ARSG: variants seen among roughly 807,000 people sequenced by gnomAD.
The protein encoded by ARSG is arylsulfatase G.
In ARSG, 37 loss-of-function variants were observed where a neutral mutation model predicts 50.5. The observed-to-expected ratio is 0.73, with a 90% CI of 0.56 to 0.96. ARSG has a LOEUF of 0.96. Ranked by LOEUF, ARSG falls within the 50% of genes least tolerant of loss-of-function variation. The pLI, the probability that ARSG is intolerant of heterozygous loss-of-function variation, is 0.00. For synonymous variants in ARSG, 225 were observed against 254.6 expected, an observed-to-expected ratio of 0.88 and a Z score of 1.11; for missense variants, 629 against 675.3, an observed-to-expected ratio of 0.93 and a Z score of 0.76.
At chr17:68,403,342 G>T (rs2081561919) in intron 11 of ARSG, among the ~76,000 whole-genome samples, 1 of 152,188 alleles carries the variant, frequency 6.6e-6, no homozygotes, top group Admixed American at 6.5e-5. Flanking sequence ...CTATTTAAAT[G>T]ATCACAATCA....
At chr17:68,279,684 AGACATT>A (rs1372609374) in intron 1 of ARSG, among the ~76,000 whole-genome samples, 3 of 152,306 alleles carry the variant, frequency 2.0e-5, no homozygotes, top group South Asian at 2.1e-4. Flanking sequence ...ACTTCTAAGG[AGACATT>A]GACATTGACA....
At chr17:68,444,915 CTTTTTTTTTT>C in the ARSG span, among the ~76,000 whole-genome samples, 42 of 89,092 alleles carry the variant, frequency 4.7e-4, no homozygotes, top group African/African-American at 1.7e-3. Flanking sequence ...ATCCTGAACA[CTTTTTTTTTT>C]TTTTTTTTTT....
the ARSG span, chr17:68,428,693 A>C: frequency 1.5e-6 from 1 of 668,400 alleles, no homozygotes; most frequent in South Asian, 1.8e-5. Context: ...GCACTTGCCC[A>C]CTAGAGGTTT....
the ARSG span, among the ~76,000 whole-genome samples, chr17:68,444,850 C>T: frequency 1.3e-4 from 19 of 151,260 alleles, no homozygotes; most frequent in African/African-American, 4.1e-4. Flanking sequence ...TTCCTTCTTC[C>T]CTCCCTCCAT....
rs1016854861 is a variant in ARSG, at chr17:68,331,229, C to G, written c.219-12375C>G. ...TCTTTCTTTCTTTCTTTCTTTCTTT[C>G]TTTGTTTCTTTCTTTCTTTCTTTCT... On this transcript the variant is annotated intron_variant, in intron 2 of 11. Coordinates refer to ENST00000621439, the MANE Select transcript of ARSG (RefSeq NM_001267727.2). 4.6e-3 allele frequency among the ~76,000 whole-genome samples: 113 copies of G among 24,464 alleles called. 1 individual carries two copies. In the East Asian group the frequency reaches 0.058, roughly 13 times the overall value. The allele number at this position is 24,464 out of a possible 152,430, so 16.0% of individuals were successfully genotyped here.
At chr17:68,262,749 A>G (rs2144842239) in intron 1 of ARSG, among the ~76,000 whole-genome samples, 1 of 152,316 alleles carries the variant, frequency 6.6e-6, no homozygotes, top group South Asian at 2.1e-4. Context: ...AGAAGCAGTC[A>G]GCTCCTGGAT....
chr17:68,260,822 C>T (rs1201232610), intron 1 of ARSG, among the ~76,000 whole-genome samples: 4 of 151,910 alleles, frequency 2.6e-5, no homozygotes, highest in South Asian at 2.1e-4. Flanking sequence ...AAAGCTCTTC[C>T]GACTAGTTGA....
Position 68,367,491 on chromosome 17 carries a change from A to AC in ARSG, c.705-1051dup, listed in dbSNP as rs1209569928. On this transcript the variant is annotated intron_variant, in intron 6 of 11. Coordinates refer to ENST00000621439, the MANE Select transcript of ARSG (RefSeq NM_001267727.2). This position sits in a 1 kb window ranked among gnomAD's most constrained non-coding sequence, Gnocchi z 4.5. Reference sequence around the variant, plus strand: ...ACCCTTGTTTGGTGTCCTCTGAAAGACCCCCCATGGATGGATCTGTGGGAG... The same window carrying AC: ...ACCCTTGTTTGGTGTCCTCTGAAAGACCCCCCCATGGATGGATCTGTGGGAG... 6.6e-6 allele frequency among the ~76,000 whole-genome samples: 1 copy of AC among 151,256 alleles called. No homozygotes were observed. The highest frequency in any genetic ancestry group is 1.5e-5 in the Non-Finnish European group (1 of 67,832).
chr17:68,426,396 C>A (rs1254127815), downstream of ARSG, among the ~76,000 whole-genome samples: 1 of 152,166 alleles, frequency 6.6e-6, no homozygotes, highest in African/African-American at 2.4e-5. Context: ...GGCATCCTAC[C>A]TCTTTGAATT....
intron 9 of ARSG, among the ~76,000 whole-genome samples, chr17:68,388,697 C>T (rs1002442607): frequency 2.0e-5 from 3 of 152,002 alleles, no homozygotes; most frequent in Non-Finnish European, 2.9e-5. Context: ...GAGGCCGAGG[C>T]GGGCGGATCA....
In ARSG at chr17:68,372,877, ATT is replaced by A. The variant is rs55668215; in HGVS notation, c.982+2384_982+2385del. On this transcript the variant is annotated intron_variant, in intron 8 of 11. Transcript: ENST00000621439. ...TTCTGGTGCAGAGAAGGAAATGCTGATTTTTTTTTTTTTTTTTTTTTTTTTTT... is the reference window on the plus strand; with the variant it reads ...TTCTGGTGCAGAGAAGGAAATGCTGATTTTTTTTTTTTTTTTTTTTTTTTT... Among the ~76,000 whole-genome samples, 756 of 92,730 alleles carry A rather than the reference ATT, an allele frequency of 8.2e-3. 2 individuals are homozygous for A. The highest frequency in any genetic ancestry group is 0.025 in the African/African-American group (614 of 24,136). 60.8% of individuals were successfully genotyped at this position (92,730 alleles called of 152,430 possible).
chr17:68,384,746 C>G (rs1359750431), intron 8 of ARSG, among the ~76,000 whole-genome samples: 1 of 151,986 alleles, frequency 6.6e-6, no homozygotes, highest in Non-Finnish European at 1.5e-5. Flanking sequence ...CTGATGAAGT[C>G]TCATGGTGTT....
At chr17:68,326,555 C>T (rs1244549934) in intron 2 of ARSG, among the ~76,000 whole-genome samples, 2 of 152,166 alleles carry the variant, frequency 1.3e-5, no homozygotes, top group Admixed American at 1.3e-4. Context: ...GTCCCAGCTA[C>T]TTGGGAGGCT....
the ARSG span, among the ~76,000 whole-genome samples, chr17:68,433,760 G>GTTTTTTTTTTT: frequency 2.9e-4 from 21 of 72,820 alleles, 2 homozygotes; most frequent in African/African-American, 9.2e-4. Flanking sequence ...AAGGGTCATA[G>GTTTTTTTTTTT]TTTTTTTTTT....
In ARSG at chr17:68,343,714, CT is replaced by C; in HGVS notation, c.330del (p.Val111TrpfsTer24). The C allele has an allele frequency of 6.2e-7, 1 of 1,614,222 alleles. No homozygotes were observed. The highest frequency in any genetic ancestry group is 8.5e-7 in the Non-Finnish European group (1 of 1,180,036). Reference protein sequence around the residue: ...NGVTRNFAVTSVGGLPLNETT... With the variant: ...NGVTRNFAVTXVGGLPLNETT... ...GTCACACGCAACTTTGCAGTCACTT[CT>C]GTGGGAGGCCTTCCGCTCAACGAGA... On this transcript the variant is annotated frameshift_variant, in exon 3 of 12. Transcript: ENST00000621439. LOFTEE classifies it high-confidence loss of function.
chr17:68,307,682 C>G lies in ARSG; in HGVS notation c.189C>G (p.Asn63Lys), dbSNP rs2076660148. 6.3e-7 allele frequency: 1 copy of G among 1,599,714 alleles called. No individual in the cohort carries two copies. Among genetic ancestry groups the G allele is most frequent in the Non-Finnish European group, 8.6e-7 (1 of 1,167,142 alleles). ...GGGCAGAAACAAAGGACACTGCCAACCTTGATAAGATGGCTTCGGAGGGAA... is the reference window on the plus strand; with the variant it reads ...GGGCAGAAACAAAGGACACTGCCAAGCTTGATAAGATGGCTTCGGAGGGAA... ...ANWAETKDTA[N>K]LDKMASEGMR... Residue 63 changes from asparagine to lysine, a missense_variant, in exon 2 of 12, where the codon AAC becomes AAG. By Grantham distance (94) the Asn-to-Lys change is moderately conservative (BLOSUM62 0). Coordinates refer to ENST00000621439, the MANE Select transcript of ARSG (RefSeq NM_001267727.2).
At chr17:68,274,305 A>T in intron 1 of ARSG, 2 of 360,218 alleles carry the variant, frequency 5.6e-6, no homozygotes, top group East Asian at 9.4e-5. Context: ...GTCTCTACAA[A>T]AAATACAAAA....
chr17:68,272,871 A>T, intron 1 of ARSG: 1 of 1,388,992 alleles, frequency 7.2e-7, no homozygotes, highest in South Asian at 1.2e-5. Flanking sequence ...TTTGAATCTT[A>T]AGTTCTAGGA....
intron 5 of ARSG, among the ~76,000 whole-genome samples, chr17:68,352,100 AGAGAGAGAGAGAGACAGAG>A (rs1182401520): frequency 2.1e-4 from 27 of 129,796 alleles, no homozygotes; most frequent in South Asian, 5.4e-4. Flanking sequence ...AGAGAGAGAG[AGAGAGAGAGAGAGACAGAG>A]GAGAGAGAGA....
Sources: allele counts gnomAD v4.1 joint callset (sites outside exome capture counted in the v4.1 genomes callset), GRCh38; gene constraint gnomAD v4.1.1; non-coding constraint Gnocchi (gnomAD v3.1); transcripts MANE v1.5; gene names NCBI Gene and HGNC (gene_info 2026-07-23, HGNC 2026-07-21).